Variants in CFAP44 observed in about 807,000 individuals in gnomAD.
CFAP44 encodes the protein cilia and flagella associated protein 44.
A neutral mutation model predicts 216.2 loss-of-function variants in CFAP44; 134 were observed. The ratio of observed to expected loss-of-function variants is 0.62; its 90% CI spans 0.54 to 0.72. The LOEUF (loss-of-function observed/expected upper bound fraction) is 0.72, where lower values mean the gene tolerates loss of function less well. Among genes scored for constraint, CFAP44 ranks in the 30% least tolerant of loss-of-function variants. The pLI, the probability that CFAP44 is intolerant of heterozygous loss-of-function variation, is 0.00. For synonymous variants in CFAP44, 700 were observed against 727.6 expected, an observed-to-expected ratio of 0.96 and a Z score of 0.61; for missense variants, 2,035 against 2,182.1, an observed-to-expected ratio of 0.93 and a Z score of 1.34.
chr3:113,338,274 A>T (rs1051355644), intron 24 of CFAP44, among the ~76,000 whole-genome samples: 1 of 149,356 alleles, frequency 6.7e-6, no homozygotes, highest in Non-Finnish European at 1.5e-5. Flanking sequence ...AAAAAAAAAA[A>T]AAAAAAAAAA....
rs1318742867 is a variant in CFAP44, at chr3:113,304,074, C to T, written c.4919G>A (p.Gly1640Asp). The change falls in exon 32 of 35, where the codon GGT (glycine) becomes GAT (aspartate). Residue 1640 changes from glycine (G) to aspartate (D), a missense_variant. Transcript: ENST00000393845. ...GGCATGGTTAGAGAAGACCAAAGTA[C>T]CAGAAAGATCGCTAGGTATTTCTCC... is the stretch of plus-strand genomic sequence containing the variant. Reference protein sequence around the residue: ...VFGEIPSDLSGTLVFSNHALR... With the variant: ...VFGEIPSDLSDTLVFSNHALR... 8.5e-6 allele frequency: 13 copies of T among 1,537,216 alleles called. No individual in the cohort carries two copies. Among genetic ancestry groups the T allele is most frequent in the African/African-American group, 1.4e-5 (1 of 73,132 alleles).
Position 113,330,271 on chromosome 3 carries a change from T to C in CFAP44, c.4013A>G (p.Lys1338Arg), listed in dbSNP as rs768381106. The C allele has an allele frequency of 9.8e-6, 15 of 1,537,316 alleles. No individual in the cohort carries two copies. In the South Asian group the frequency reaches 1.1e-4, roughly 11 times the overall value. The change falls in exon 26 of 35, where the codon AAG becomes AGG. Residue 1338 changes from lysine to arginine, a missense_variant. Lys to Arg is a conservative substitution (Grantham distance 26). Coordinates refer to ENST00000393845, the MANE Select transcript of CFAP44 (RefSeq NM_001164496.2). ...KASTFSLDIP[K>R]CLEFEKAEPT... ...CTCTGCTTTTTCAAATTCCAAACACTTTGGTATATCTAGGCTGAATGTTGA... is the reference window on the plus strand; with the variant it reads ...CTCTGCTTTTTCAAATTCCAAACACCTTGGTATATCTAGGCTGAATGTTGA...
Position 113,303,931 on chromosome 3 carries a change from T to C in CFAP44, c.5062A>G (p.Thr1688Ala), listed in dbSNP as rs1320793216. Reference protein sequence around the residue: ...KQLIREKREMTKTIHKMEETV... With the variant: ...KQLIREKREMAKTIHKMEETV... ...AGATACTCACTGTGTATGGTTTTTG[T>C]CATTTCTCTCTTTTCTCGGATGAGC... Residue 1688 changes from threonine to alanine, a missense_variant, in exon 32 of 35, where the codon ACA becomes GCA. By Grantham distance (58) the Thr-to-Ala change is moderately conservative (BLOSUM62 0). Around this residue, in one of 3 missense-constraint regions of CFAP44, gnomAD observed 1,883 missense variants for 2,023.7 expected, o/e 0.93. Coordinates refer to ENST00000393845, the MANE Select transcript of CFAP44 (RefSeq NM_001164496.2). 2 of 1,537,654 alleles carry C rather than the reference T, an allele frequency of 1.3e-6. No homozygotes were observed. The highest frequency in any genetic ancestry group is 2.4e-5 in the East Asian group (1 of 40,934).
chr3:113,306,157 G>C, intron 30 of CFAP44, 44 bp downstream of exon 30: 1 of 1,517,422 alleles, frequency 6.6e-7, no homozygotes, highest in South Asian at 1.2e-5. Flanking sequence ...CTAGGAGGAT[G>C]TGTAGCATTT....
Position 113,379,464 on chromosome 3 carries a change from T to A in CFAP44, c.2140A>T (p.Met714Leu), listed in dbSNP as rs1159485862. 1.2e-6 allele frequency: 2 copies of A among 1,611,064 alleles called. No individual in the cohort carries two copies. Among genetic ancestry groups the A allele is most frequent in the Admixed American group, 1.7e-5 (1 of 60,002 alleles). ...AATTCTTTTTCTCCATCTTCTCCCA[T>A]CTCTGCTGCTAGCTTGTTCCTCCTT... ...EERRNKLAAE[M>L]GEDGEKEFQE... The change falls in exon 17 of 35, where the codon ATG becomes TTG. Residue 714 changes from methionine (M) to leucine (L), a missense_variant. Met to Leu is a conservative substitution (Grantham distance 15, BLOSUM62 2). This residue lies in a region of CFAP44 where 1,883 missense variants were observed against 2,023.7 expected (regional missense o/e 0.93). Coordinates refer to ENST00000393845, the MANE Select transcript of CFAP44 (RefSeq NM_001164496.2).
chr3:113,387,004 A>C (rs1354230078), intron 15 of CFAP44, among the ~76,000 whole-genome samples: 1 of 152,216 alleles, frequency 6.6e-6, no homozygotes, highest in East Asian at 1.9e-4. Flanking sequence ...AGCCCGAGTC[A>C]GAGGGGAATG....
chr3:113,404,970 T>C (rs1451290414), intron 8 of CFAP44, among the ~76,000 whole-genome samples: 1 of 152,210 alleles, frequency 6.6e-6, no homozygotes, highest in African/African-American at 2.4e-5. Flanking sequence ...GAACTTTTAA[T>C]AGAGAAGTAT....
chr3:113,302,457 T>TAAAAAAAAAAAAAAAAAAAAAA (rs60866565), intron 32 of CFAP44, among the ~76,000 whole-genome samples: 13 of 75,794 alleles, frequency 1.7e-4, no homozygotes, highest in African/African-American at 2.6e-4. Flanking sequence ...CTAGACAAAG[T>TAAAAAAAAAAAAAAAAAAAAAA]AAAAAAAAAA....
At chr3:113,358,053 A>G (rs1249172367) in intron 22 of CFAP44, among the ~76,000 whole-genome samples, 1 of 152,158 alleles carries the variant, frequency 6.6e-6, no homozygotes, top group African/African-American at 2.4e-5. Flanking sequence ...ATAATCTTAG[A>G]CATCATATGA....
chr3:113,298,462 C>T (rs2107788276), intron 32 of CFAP44, among the ~76,000 whole-genome samples: 1 of 152,286 alleles, frequency 6.6e-6, no homozygotes, highest in East Asian at 1.9e-4. Flanking sequence ...CCATATGGTC[C>T]AGCCATATAT....
intron 28 of CFAP44, among the ~76,000 whole-genome samples, chr3:113,310,624 GGTTTGGATCTGT>G (rs989857982): frequency 1.3e-5 from 2 of 152,164 alleles, no homozygotes; most frequent in African/African-American, 4.8e-5. Context: ...TATCTGATAT[GGTTTGGATCTGT>G]GTTCCCACCA....
intron 32 of CFAP44, among the ~76,000 whole-genome samples, chr3:113,300,954 G>C (rs1343261255): frequency 1.3e-5 from 2 of 152,072 alleles, no homozygotes; most frequent in Admixed American, 6.6e-5. Context: ...TTTTTAAAAA[G>C]TTAAACACTT....
intron 19 of CFAP44, among the ~76,000 whole-genome samples, chr3:113,365,188 A>G (rs1950576270): frequency 6.6e-6 from 1 of 152,050 alleles, no homozygotes; most frequent in Non-Finnish European, 1.5e-5. Context: ...TTGTTCATAT[A>G]CTTTCCCTCC....
intron 22 of CFAP44, among the ~76,000 whole-genome samples, chr3:113,355,255 T>A (rs1396644895): frequency 1.3e-5 from 2 of 152,076 alleles, no homozygotes; most frequent in East Asian, 3.9e-4. Flanking sequence ...GCGTGGTGGC[T>A]CACGCTTGTA....
chr3:113,392,788 G>A (rs776241852), intron 15 of CFAP44, among the ~76,000 whole-genome samples: 6 of 152,042 alleles, frequency 3.9e-5, no homozygotes, highest in Non-Finnish European at 7.4e-5. Context: ...AGAATAATAC[G>A]GGAGGAAGAA....
intron 2 of CFAP44, among the ~76,000 whole-genome samples, chr3:113,432,905 T>A (rs923117857): frequency 1.3e-5 from 2 of 152,250 alleles, no homozygotes; most frequent in Non-Finnish European, 2.9e-5. Flanking sequence ...ATCTATCAGA[T>A]AATCTATTAT....
intron 28 of CFAP44, among the ~76,000 whole-genome samples, chr3:113,323,893 A>G (rs1384118216): frequency 6.6e-6 from 1 of 152,018 alleles, no homozygotes; most frequent in Non-Finnish European, 1.5e-5. Flanking sequence ...AACACAAAAA[A>G]ATTAGCTGGG....
chr3:113,327,488 AGGG>A, intron 27 of CFAP44, 125 bp downstream of exon 27: 1 of 745,528 alleles, frequency 1.3e-6, no homozygotes. Flanking sequence ...AAAAAGGAGG[AGGG>A]GGAAAGAAGA....
At chr3:113,394,664 AAAG>A (rs750544743) in intron 15 of CFAP44, among the ~76,000 whole-genome samples, 1 of 152,292 alleles carries the variant, frequency 6.6e-6, no homozygotes, top group Non-Finnish European at 1.5e-5. Context: ...CACACTGCAA[AAAG>A]AAGAATTGTC....
Sources: allele counts gnomAD v4.1 joint callset (sites outside exome capture counted in the v4.1 genomes callset), GRCh38; gene constraint gnomAD v4.1.1; regional missense constraint gnomAD v4.1.1; transcripts MANE v1.5; gene names NCBI Gene and HGNC (gene_info 2026-07-23, HGNC 2026-07-21).